Variants in COL3A1 observed in about 807,000 individuals in gnomAD.
COL3A1 encodes collagen type III alpha 1 chain, also known as collagen alpha-1(III) chain.
A neutral mutation model predicts 200.9 loss-of-function variants in COL3A1; 46 were observed. The observed-to-expected ratio is 0.23, with a 90% CI of 0.18 to 0.29. The LOEUF is 0.29. COL3A1 is among the 10% of genes least tolerant of loss of function. COL3A1 has a pLI of 1.00. For missense variants in COL3A1, 1,367 were observed against 1,917.6 expected (o/e 0.71, Z 5.36); for synonymous variants, 650 against 628.0 (o/e 1.03, Z -0.52).
chr2:188,988,752 C>A, intron 7 of COL3A1, 109 bp downstream of exon 7: 1 of 754,698 alleles, frequency 1.3e-6, no homozygotes, highest in Non-Finnish European at 2.2e-6. Flanking sequence ...TAAATTTACC[C>A]TTAAGTTTGT....
Position 189,011,749 on chromosome 2 carries a change from A to T in COL3A1, c.4376A>T (p.Asp1459Val). The change falls in exon 51 of 51, where the codon GAC (aspartate) becomes GTC (valine). Residue 1459 changes from aspartate (D) to valine (V), a missense_variant. By Grantham distance (152) the Asp-to-Val change is radical. Around this residue, in one of 5 missense-constraint regions of COL3A1, gnomAD observed 846 missense variants for 1,147.9 expected, o/e 0.74. Coordinates refer to ENST00000304636, the MANE Select transcript of COL3A1 (RefSeq NM_000090.4). ...IGGPDQEFGVDVGPVCFL is the reference protein window; with the variant it reads ...IGGPDQEFGVVVGPVCFL ...GGTCCTGATCAAGAATTTGGTGTGG[A>T]CGTTGGCCCTGTTTGCTTTTTATAA... 6.2e-7 allele frequency: 1 copy of T among 1,613,980 alleles called. No homozygotes were observed. The highest frequency in any genetic ancestry group is 1.6e-4 in the Middle Eastern group (1 of 6,062).
intron 45 of COL3A1, 73 bp from the exon 46 acceptor site, chr2:189,007,812 T>A: frequency 6.5e-7 from 1 of 1,545,600 alleles, no homozygotes; most frequent in Non-Finnish European, 8.9e-7. Flanking sequence ...TGTTTCTTGA[T>A]CTGATCTTGA....
intron 32 of COL3A1, among the ~76,000 whole-genome samples, 187 bp from the exon 33 acceptor site, chr2:189,001,210 G>A (rs1303939325): frequency 1.3e-5 from 2 of 152,028 alleles, no homozygotes; most frequent in Non-Finnish European, 2.9e-5. Flanking sequence ...CCCCAAAGAG[G>A]CTTGTGTTTA....
In COL3A1 at chr2:188,988,610, AC is replaced by A. The variant is rs1553507265; in HGVS notation, c.608del (p.Pro203LeufsTer19). On this transcript the variant is annotated frameshift_variant, in exon 7 of 51. Coordinates refer to ENST00000304636, the MANE Select transcript of COL3A1 (RefSeq NM_000090.4). LOFTEE classifies it high-confidence loss of function. ...GSPGSPGYQG[P>X]PGEPGQAGPS... ...ACTAGGGATCTCCAGGATACCAAGGACCCCCTGGTGAACCTGGGCAAGCTGG... is the reference window on the plus strand; with the variant it reads ...ACTAGGGATCTCCAGGATACCAAGGACCCCTGGTGAACCTGGGCAAGCTGG... 6.2e-7 allele frequency: 1 copy of A among 1,608,094 alleles called. No homozygotes were observed. Among genetic ancestry groups the A allele is most frequent in the Non-Finnish European group, 8.5e-7 (1 of 1,175,266 alleles).
intron 47 of COL3A1, 38 bp from the exon 48 acceptor site, chr2:189,008,886 T>C (rs1471920459): frequency 1.9e-6 from 3 of 1,600,806 alleles, no homozygotes; most frequent in Admixed American, 1.7e-5. Context: ...GGCGACTGAA[T>C]GTGCATACCT....
In COL3A1 at chr2:189,004,029, G is replaced by A. The variant is rs1057524521; in HGVS notation, c.2709G>A (p.Gly903=). 6 of 1,612,830 alleles carry A rather than the reference G, an allele frequency of 3.7e-6. No individual in the cohort carries two copies. The highest frequency in any genetic ancestry group is 5.1e-6 in the Non-Finnish European group (6 of 1,179,856). The change falls in exon 39 of 51, where the codon GGG becomes GGA. Residue 903 remains glycine, a synonymous_variant. Coordinates refer to ENST00000304636, the MANE Select transcript of COL3A1 (RefSeq NM_000090.4). ...PGPSGSPGKD[G]PPGPAGNTGA... is the part of the protein sequence containing the mutation. ...CCAGCGGTTCTCCAGGCAAGGATGG[G>A]CCCCCAGGTCCTGCGGGTAACACTG...
chr2:189,010,899 C>T lies in COL3A1; in HGVS notation c.4254+9C>T. Reference sequence around the variant, plus strand: ...TGGAGGATGGTTGCACGGTAGGAAACATTTTTCTCAATATAGGTCATAAAG... The same window carrying T: ...TGGAGGATGGTTGCACGGTAGGAAATATTTTTCTCAATATAGGTCATAAAG... On this transcript the variant is annotated intron_variant, in intron 50 of 50. Coordinates refer to ENST00000304636, the MANE Select transcript of COL3A1 (RefSeq NM_000090.4). 1 of 1,614,020 alleles carries T rather than the reference C, an allele frequency of 6.2e-7. No homozygotes were observed. The highest frequency in any genetic ancestry group is 8.5e-7 in the Non-Finnish European group (1 of 1,179,914).
At chr2:189,004,408 G>T in intron 40 of COL3A1, 44 bp downstream of exon 40, 1 of 1,519,394 alleles carries the variant, frequency 6.6e-7, no homozygotes, top group Non-Finnish European at 9.0e-7. Context: ...TCCTTTGGTA[G>T]CCTTCAGAGA....
intron 1 of COL3A1, among the ~76,000 whole-genome samples, chr2:188,977,763 A>G (rs1687853113): frequency 6.6e-6 from 1 of 152,128 alleles, no homozygotes. Flanking sequence ...TGTCATTGAA[A>G]GGAGATACTA....
chr2:188,989,458 T>C lies in COL3A1; in HGVS notation c.690+9T>C, dbSNP rs370451250. The C allele has an allele frequency of 3.6e-5, 57 of 1,601,648 alleles. No individual in the cohort carries two copies. The highest frequency in any genetic ancestry group is 1.8e-4 in the South Asian group (16 of 89,962). On this transcript the variant is annotated intron_variant, in intron 8 of 50. Transcript: ENST00000304636. Reference sequence around the variant, plus strand: ...GTCCTGCTGGAAAAGATGTAAGTTTTTAAAACTTAAATAAGAATACAGCAA... The same window carrying C: ...GTCCTGCTGGAAAAGATGTAAGTTTCTAAAACTTAAATAAGAATACAGCAA...
At chr2:188,996,582 A>G (rs1688325378) in intron 24 of COL3A1, 86 bp downstream of exon 24, 2 of 1,100,532 alleles carry the variant, frequency 1.8e-6, no homozygotes, top group South Asian at 1.3e-5. Context: ...GTCAAAACTC[A>G]GTCTCCTCTT....
Position 188,990,169 on chromosome 2 carries a change from T to C in COL3A1, c.744+20T>C, listed in dbSNP as rs767844034. 2 of 1,612,768 alleles carry C rather than the reference T, an allele frequency of 1.2e-6. No individual in the cohort carries two copies. Among genetic ancestry groups the C allele is most frequent in the Non-Finnish European group, 1.7e-6 (2 of 1,178,950 alleles). On this transcript the variant is annotated intron_variant, in intron 9 of 50. Transcript: ENST00000304636. ...CCTCCAGTGAGTCTTCAGCATCTAA[T>C]AAATTAATTGGAATAATCTTAGCTT... is the stretch of plus-strand genomic sequence containing the variant.
chr2:188,975,346 GT>G (rs1687786692), intron 1 of COL3A1, among the ~76,000 whole-genome samples: 2 of 152,104 alleles, frequency 1.3e-5, no homozygotes, highest in Admixed American at 6.6e-5. Context: ...TCAGAAAGCT[GT>G]TTTGCTATAT....
chr2:188,993,235 T>G, intron 15 of COL3A1, 126 bp from the exon 16 acceptor site: 2 of 797,010 alleles, frequency 2.5e-6, no homozygotes, highest in South Asian at 2.9e-5. Context: ...ATTCCTTGCT[T>G]TACCTGCAGT....
intron 21 of COL3A1, 158 bp from the exon 22 acceptor site, chr2:188,995,534 C>G (rs1688286177): frequency 6.6e-6 from 4 of 607,512 alleles, no homozygotes; most frequent in Non-Finnish European, 1.2e-5. Context: ...ATATGGCAAT[C>G]CAAGCTAAGA....
At chr2:188,983,981 G>A (rs1332724502) in intron 1 of COL3A1, among the ~76,000 whole-genome samples, 1 of 151,938 alleles carries the variant, frequency 6.6e-6, no homozygotes, top group Non-Finnish European at 1.5e-5. Flanking sequence ...TATGAAGCAA[G>A]TCTAAAATTT....
At position 188,989,012 on chromosome 2, in the gene COL3A1, TAGAC is replaced by T. The variant is rs1688121637; in HGVS notation, c.636+372_636+375del. The stretch of plus-strand genomic sequence containing the variant: ...TGTAAATATACATATACATATATCT[TAGAC>T]AGTAGAAATAAACATAATCTTAGAG... On this transcript the variant is annotated intron_variant, in intron 7 of 50. Transcript: ENST00000304636. Among the ~76,000 whole-genome samples the T allele has an allele frequency of 2.6e-5, 4 of 151,870 alleles. No individual in the cohort carries two copies. In the South Asian group the frequency reaches 6.2e-4, roughly 24 times the overall value.
intron 1 of COL3A1, among the ~76,000 whole-genome samples, chr2:188,984,320 G>A (rs1356246): frequency 0.99 from 150,393 of 152,104 alleles, 74,369 homozygotes; most frequent in East Asian, 1. Flanking sequence ...CAACTAGGTT[G>A]ATAAAATCCA....
At chr2:188,985,004 T>C in intron 2 of COL3A1, 42 bp downstream of exon 2, 1 of 1,580,798 alleles carries the variant, frequency 6.3e-7, no homozygotes, top group Non-Finnish European at 8.7e-7. Context: ...TATTCATATT[T>C]AGACACATGA....
Sources: allele counts gnomAD v4.1 joint callset (sites outside exome capture counted in the v4.1 genomes callset), GRCh38; gene constraint gnomAD v4.1.1; regional missense constraint gnomAD v4.1.1; transcripts MANE v1.5; gene names NCBI Gene and HGNC (gene_info 2026-07-23, HGNC 2026-07-21).